SRD5A3: variants seen among roughly 807,000 people sequenced by gnomAD.
SRD5A3 encodes polyprenal reductase.
Under a neutral mutation model 34.3 loss-of-function variants are expected in SRD5A3, and 24 were observed. The ratio of observed to expected loss-of-function variants is 0.70; its 90% CI spans 0.51 to 0.99. SRD5A3 has a LOEUF of 0.99. SRD5A3 is among the 50% of genes least tolerant of loss of function. The pLI is 0.00. For missense variants in SRD5A3, 350 were observed against 388.2 expected (o/e 0.90, Z 0.83); for synonymous variants, 161 against 167.3 (o/e 0.96, Z 0.29).
chr4:55,368,450 A>G (rs909942534), intron 4 of SRD5A3, among the ~76,000 whole-genome samples: 6 of 148,596 alleles, frequency 4.0e-5, no homozygotes, highest in African/African-American at 7.4e-5. Flanking sequence ...TTTGAGATGG[A>G]GTCTTGCTCT....
intron 1 of SRD5A3, among the ~76,000 whole-genome samples, chr4:55,356,091 C>G (rs1719450658): frequency 1.4e-5 from 2 of 138,948 alleles, no homozygotes; most frequent in African/African-American, 5.4e-5. Context: ...TCACTACAAC[C>G]TCTGCCTCCT....
At chr4:55,359,689 A>G (rs1719605567) in intron 2 of SRD5A3, among the ~76,000 whole-genome samples, 1 of 152,208 alleles carries the variant, frequency 6.6e-6, no homozygotes, top group Non-Finnish European at 1.5e-5. Flanking sequence ...TTCCCTGAGA[A>G]GGAGACAGAG....
At position 55,370,123 on chromosome 4, in the gene SRD5A3, G is replaced by A; in HGVS notation, c.*32G>A. 5.6e-6 allele frequency: 9 copies of A among 1,611,118 alleles called. No individual in the cohort carries two copies. The highest frequency in any genetic ancestry group is 7.6e-6 in the Non-Finnish European group (9 of 1,179,722). The stretch of plus-strand genomic sequence containing the variant: ...CTCAGTCATGAAGAATGCAAACCAG[G>A]TGATGGTTTCAATGCCTAAGGACAG... On this transcript the variant is annotated 3_prime_UTR_variant, in exon 5 of 5. Transcript: ENST00000264228.
Position 55,346,358 on chromosome 4 carries a change from G to A in SRD5A3, c.22G>A (p.Glu8Lys), listed in dbSNP as rs539407364. 5 of 1,529,304 alleles carry A rather than the reference G, an allele frequency of 3.3e-6. No individual in the cohort carries two copies. In the East Asian group the frequency reaches 1.4e-4, roughly 41 times the overall value. The allele number at this position is 1,529,304 out of a possible 1,614,324, so 94.7% of individuals were successfully genotyped here. A position where few individuals can be genotyped will look rare whatever the true frequency, so the allele number is the denominator to read the frequency against. The change falls in exon 1 of 5, where the codon GAG (glutamate) becomes AAG (lysine). Residue 8 changes from glutamate (E) to lysine (K), a missense_variant. By Grantham distance (56) the Glu-to-Lys change is moderately conservative (BLOSUM62 1). Transcript: ENST00000264228. MAPWAEAEHSALNPLRAV... is the reference protein window; with the variant it reads MAPWAEAKHSALNPLRAV... Reference sequence around the variant, plus strand: ...GGCCATGGCTCCCTGGGCGGAGGCCGAGCACTCGGCGCTGAACCCGCTGCG... The same window carrying A: ...GGCCATGGCTCCCTGGGCGGAGGCCAAGCACTCGGCGCTGAACCCGCTGCG...
chr4:55,352,200 A>G, intron 1 of SRD5A3: 1 of 957,714 alleles, frequency 1.0e-6, no homozygotes, highest in Non-Finnish European at 1.7e-6. Flanking sequence ...GGTATCAATG[A>G]GGATGTGGTA....
rs535335306 is a variant in SRD5A3 at position 55,365,198 on chromosome 4, T to C, written c.562+927T>C. On this transcript the variant is annotated intron_variant, in intron 3 of 4. Transcript: ENST00000264228. ...TCTCTAAACCCAGGGCTCCATGTTT[T>C]CAGCTGCCCTGTCCATCCTTGTAAA... Among the ~76,000 whole-genome samples the C allele has an allele frequency of 4.6e-5, 7 of 152,268 alleles. No homozygotes were observed. The South Asian group carries it at 1.2e-3, about 27-fold the overall frequency.
chr4:55,352,202 G>A (rs1350561353), intron 1 of SRD5A3: 3 of 961,130 alleles, frequency 3.1e-6, no homozygotes, highest in Non-Finnish European at 5.1e-6. Flanking sequence ...TATCAATGAG[G>A]ATGTGGTAAG....
intron 1 of SRD5A3, among the ~76,000 whole-genome samples, chr4:55,347,017 T>G (rs577482015): frequency 8.8e-4 from 134 of 152,316 alleles, no homozygotes; most frequent in African/African-American, 3.2e-3. Flanking sequence ...GGCCGGCTCT[T>G]CGGCCTCGGC....
At position 55,353,954 on chromosome 4, in the gene SRD5A3, A is replaced by G. The variant is rs147381692; in HGVS notation, c.222-5392A>G. ...AGAAGGAACCAATTCTGGACACAATAGCACCTGCTGGTCTCATTGGTGGTG... is the reference window on the plus strand; with the variant it reads ...AGAAGGAACCAATTCTGGACACAATGGCACCTGCTGGTCTCATTGGTGGTG... On this transcript the variant is annotated intron_variant, in intron 1 of 4. Coordinates refer to ENST00000264228, the MANE Select transcript of SRD5A3 (RefSeq NM_024592.5). Among the ~76,000 whole-genome samples the G allele has an allele frequency of 5.2e-3, 785 of 152,328 alleles. 3 individuals carry two copies. The highest frequency in any genetic ancestry group is 8.4e-3 in the Non-Finnish European group (572 of 68,026).
intron 1 of SRD5A3, 140 bp downstream of exon 1, chr4:55,346,697 C>A: frequency 1.3e-6 from 1 of 769,852 alleles, no homozygotes; most frequent in South Asian, 2.8e-5. Flanking sequence ...CGCAGCACGG[C>A]GCTCCCTCGG....
At chr4:55,360,900 G>A (rs933499684) in intron 2 of SRD5A3, among the ~76,000 whole-genome samples, 1 of 152,020 alleles carries the variant, frequency 6.6e-6, no homozygotes, top group African/African-American at 2.4e-5. Context: ...ATGTTGGTCA[G>A]GCTGGTCTCG....
chr4:55,347,850 G>T (rs949566869), intron 1 of SRD5A3, among the ~76,000 whole-genome samples: 1 of 152,266 alleles, frequency 6.6e-6, no homozygotes, highest in Non-Finnish European at 1.5e-5. Flanking sequence ...AGAAGTAGAA[G>T]TACATGAAAC....
chr4:55,369,971 AGTG>A lies in SRD5A3; in HGVS notation c.841_843del (p.Val281del). 1 of 1,614,158 alleles carries A rather than the reference AGTG, an allele frequency of 6.2e-7. No individual in the cohort carries two copies. The highest frequency in any genetic ancestry group is 8.5e-7 in the Non-Finnish European group (1 of 1,180,036). On this transcript the variant is annotated inframe_deletion, in exon 5 of 5. Coordinates refer to ENST00000264228, the MANE Select transcript of SRD5A3 (RefSeq NM_024592.5). ...GGTTCCACAACTTAACTTGGTGGCT[AGTG>A]GTGACAAATGTCTTCTTTAATCAGG...
At chr4:55,367,748 A>C in intron 4 of SRD5A3, 26 bp downstream of exon 4, 1 of 1,613,900 alleles carries the variant, frequency 6.2e-7, no homozygotes, top group Non-Finnish European at 8.5e-7. Context: ...GAGCCTCTGC[A>C]TATGGATTTT....
chr4:55,369,610 G>A (rs1008723421), intron 4 of SRD5A3: 1 of 580,844 alleles, frequency 1.7e-6, no homozygotes, highest in Admixed American at 3.1e-5. Flanking sequence ...GCATACCTGT[G>A]GTACTAGCCA....
Position 55,364,207 on chromosome 4 carries a change from A to G in SRD5A3, c.498A>G (p.Gly166=), listed in dbSNP as rs760567316. ...TTCACGTCGTGCAGTACTGTTTTGG[A>G]CTTGTCTATTATGTCCTTGTTGGCC... is the stretch of plus-strand genomic sequence containing the variant. ...VMIHVVQYCF[G]LVYYVLVGLT... Residue 166 remains glycine (G), a synonymous_variant, in exon 3 of 5, where the codon GGA becomes GGG. Coordinates refer to ENST00000264228, the MANE Select transcript of SRD5A3 (RefSeq NM_024592.5). The G allele has an allele frequency of 6.2e-7, 1 of 1,613,994 alleles. No homozygotes were observed. Among genetic ancestry groups the G allele is most frequent in the South Asian group, 1.1e-5 (1 of 91,084 alleles).
intron 1 of SRD5A3, among the ~76,000 whole-genome samples, chr4:55,358,643 A>C (rs1719564841): frequency 6.6e-6 from 1 of 151,644 alleles, no homozygotes; most frequent in Admixed American, 6.6e-5. Context: ...CATCTTTTGC[A>C]TTAAATTAAC....
intron 2 of SRD5A3, among the ~76,000 whole-genome samples, chr4:55,361,300 G>A (rs961944465): frequency 6.6e-6 from 1 of 151,972 alleles, no homozygotes; most frequent in African/African-American, 2.4e-5. Context: ...TGGCCAACAT[G>A]GTGAAATCCC....
rs769114054 is a variant in SRD5A3, at chr4:55,369,893, C to T, written c.759C>T (p.Ser253=). ...GAGACTGGTTTGAATATGTTTCTTC[C>T]CCTAACTACTTAGCAGAGCTGATGA... The part of the protein sequence containing the change: ...PFGDWFEYVS[S]PNYLAELMIY... Residue 253 remains serine, a synonymous_variant, in exon 5 of 5, where the codon TCC becomes TCT. Transcript: ENST00000264228. The T allele has an allele frequency of 1.9e-6, 3 of 1,614,128 alleles. No individual in the cohort carries two copies. The highest frequency in any genetic ancestry group is 1.7e-5 in the Admixed American group (1 of 59,996).
Sources: gnomAD v4.1 joint callset for allele counts (sites outside exome capture counted in the v4.1 genomes callset) on GRCh38, gnomAD v4.1.1 for gene constraint, MANE v1.5 for transcripts, NCBI Gene and HGNC (gene_info 2026-07-23, HGNC 2026-07-21) for gene names.